RAB23: variants seen among roughly 807,000 people sequenced by gnomAD.
RAB23 encodes ras-related protein Rab-23.
A neutral mutation model predicts 30.0 loss-of-function variants in RAB23; 15 were observed. The ratio of observed to expected loss-of-function variants is 0.50; its 90% CI spans 0.33 to 0.77. RAB23 has a LOEUF of 0.77. Among genes scored for constraint, RAB23 ranks in the 30% least tolerant of loss-of-function variants. RAB23 has a pLI of 0.02. For synonymous variants in RAB23, 93 were observed against 94.0 expected (o/e 0.99, Z 0.06); for missense variants, 243 against 275.4 (o/e 0.88, Z 0.83).
Position 57,190,581 on chromosome 6 carries a change from A to C in RAB23, c.594T>G (p.Gly198=), listed in dbSNP as rs151203723. Residue 198 remains glycine (G), a synonymous_variant, in exon 7 of 7, where the codon GGT becomes GGG. Coordinates refer to ENST00000468148, the MANE Select transcript of RAB23 (RefSeq NM_016277.5). The stretch of plus-strand genomic sequence containing the variant: ...CTGAATTCTGACCGGAGTGACTTCC[A>C]CCAGATGTATTAAAGACACCTGTAT... ...SNKIGVFNTS[G]GSHSGQNSGT... is the part of the protein sequence containing the mutation. 1.7e-5 allele frequency: 28 copies of C among 1,613,950 alleles called. No individual in the cohort carries two copies. The African/African-American group carries it at 2.8e-4, about 16-fold the overall frequency.
intron 1 of RAB23, among the ~76,000 whole-genome samples, chr6:57,213,180 G>A (rs1765716309): frequency 6.6e-6 from 1 of 152,196 alleles, no homozygotes; most frequent in Non-Finnish European, 1.5e-5. Flanking sequence ...GGGCTCCTAT[G>A]AGAATCTAAT....
chr6:57,214,689 T>A (rs1264708296), intron 1 of RAB23, among the ~76,000 whole-genome samples: 1 of 152,144 alleles, frequency 6.6e-6, no homozygotes, highest in Non-Finnish European at 1.5e-5. Context: ...ACCCTTCCTG[T>A]TTTTGGAGCA....
At chr6:57,214,624 C>T (rs1324773513) in intron 1 of RAB23, among the ~76,000 whole-genome samples, 1 of 152,146 alleles carries the variant, frequency 6.6e-6, no homozygotes, top group Non-Finnish European at 1.5e-5. Flanking sequence ...CAATGGAAGA[C>T]AAGCAGGAAA....
chr6:57,210,271 T>G lies in RAB23; in HGVS notation c.110A>C (p.Asp37Ala). The change falls in exon 2 of 7, where the codon GAC becomes GCC. Residue 37 changes from aspartate to alanine, a missense_variant. Physicochemically the swap from Asp to Ala is moderately radical, Grantham distance 126. Transcript: ENST00000468148. ...ATCAACTCCAATGGTTTTCTTGTAG[T>G]CTTTTGTAAAAATGCCTTTGCAATA... ...QRYCKGIFTKDYKKTIGVDFL... is the reference protein window; with the variant it reads ...QRYCKGIFTKAYKKTIGVDFL... 1.2e-6 allele frequency: 2 copies of G among 1,614,156 alleles called. No homozygotes were observed. Among genetic ancestry groups the G allele is most frequent in the Non-Finnish European group, 1.7e-6 (2 of 1,179,968 alleles).
Position 57,220,143 on chromosome 6 carries a change from G to A in RAB23, c.-66+1583C>T, listed in dbSNP as rs554082763. On this transcript the variant is annotated intron_variant, in intron 1 of 6. Transcript: ENST00000468148. Reference sequence around the variant, plus strand: ...TCACCAACGACTCCATGTGGCAAATGAACACATGAAAACATGTACATCTTT... The same window carrying A: ...TCACCAACGACTCCATGTGGCAAATAAACACATGAAAACATGTACATCTTT... 7.0e-4 allele frequency among the ~76,000 whole-genome samples: 107 copies of A among 152,234 alleles called. 1 individual carries two copies. The highest frequency in any genetic ancestry group is 1.9e-3 in the South Asian group (9 of 4,830).
Position 57,208,015 on chromosome 6 carries a change from A to C in RAB23, c.156-302T>G, listed in dbSNP as rs546467010. Among the ~76,000 whole-genome samples the C allele has an allele frequency of 3.3e-5, 5 of 152,284 alleles. No individual in the cohort carries two copies. In the East Asian group the frequency reaches 9.6e-4, roughly 29 times the overall value. On this transcript the variant is annotated intron_variant, in intron 2 of 6. Transcript: ENST00000468148. ...ACTTACGATGGGGCTATGTCTCAAA[A>C]AACCCATGCTAAAGTTGAAAAACTG...
intron 1 of RAB23, chr6:57,221,225 T>G (rs932623382): frequency 2.6e-5 from 4 of 152,214 alleles, no homozygotes; most frequent in Non-Finnish European, 5.9e-5. Flanking sequence ...TGAAATTACC[T>G]AGATGTTAGG....
rs531612054 is a variant in RAB23, at chr6:57,215,680, AAAG to A, written c.-65-5238_-65-5236del. On this transcript the variant is annotated intron_variant, in intron 1 of 6. Coordinates refer to ENST00000468148, the MANE Select transcript of RAB23 (RefSeq NM_016277.5). ...TCAGTGGAAAAGAAATAATTTTTTA[AAAG>A]AAGAACTTGGAGTGTCAGAACAAAA... Among the ~76,000 whole-genome samples the A allele has an allele frequency of 4.1e-3, 630 of 152,356 alleles. 4 individuals are homozygous for A. Among genetic ancestry groups the A allele is most frequent in the Admixed American group, 7.0e-3 (107 of 15,310 alleles).
At chr6:57,198,585 G>T (rs1765119058) in intron 3 of RAB23, among the ~76,000 whole-genome samples, 1 of 152,132 alleles carries the variant, frequency 6.6e-6, no homozygotes, top group Admixed American at 6.5e-5. Flanking sequence ...GGTGACTGAG[G>T]TGGGAGGATT....
intron 3 of RAB23, among the ~76,000 whole-genome samples, chr6:57,204,199 A>G (rs1765370950): frequency 6.6e-6 from 1 of 152,220 alleles, no homozygotes; most frequent in Non-Finnish European, 1.5e-5. Context: ...CCTGTCTAAA[A>G]GAAGAAATTA....
At chr6:57,206,174 G>A (rs924037986) in intron 3 of RAB23, among the ~76,000 whole-genome samples, 2 of 152,138 alleles carry the variant, frequency 1.3e-5, no homozygotes, top group Admixed American at 6.6e-5. Context: ...TGCAGAGAGC[G>A]CAGGTCTGGG....
rs1764780589 is a variant in RAB23, at chr6:57,190,091, ATGCTTGCTATCTTT to A, written c.*356_*369del. Reference sequence around the variant, plus strand: ...CTACATGACCAATTTCAGGAAAAGAATGCTTGCTATCTTTCCTTGATCCACAGTATTAAAATCTG... The same window carrying A: ...CTACATGACCAATTTCAGGAAAAGAACCTTGATCCACAGTATTAAAATCTG... On this transcript the variant is annotated 3_prime_UTR_variant, in exon 7 of 7. Coordinates refer to ENST00000468148, the MANE Select transcript of RAB23 (RefSeq NM_016277.5). 1 of 220,174 alleles carries A rather than the reference ATGCTTGCTATCTTT, an allele frequency of 4.5e-6. No individual in the cohort carries two copies. The highest frequency in any genetic ancestry group is 9.1e-6 in the Non-Finnish European group (1 of 109,386). The allele number at this position is 220,174 out of a possible 1,614,324, so 13.6% of individuals were successfully genotyped here.
intron 4 of RAB23, among the ~76,000 whole-genome samples, chr6:57,195,949 A>G (rs925596361): frequency 2.6e-5 from 4 of 152,264 alleles, no homozygotes; most frequent in African/African-American, 9.6e-5. Flanking sequence ...AATATTTTCA[A>G]AACTGGCAAA....
intron 3 of RAB23, among the ~76,000 whole-genome samples, chr6:57,198,875 G>A (rs1765129790): frequency 6.6e-6 from 1 of 152,082 alleles, no homozygotes; most frequent in Non-Finnish European, 1.5e-5. Context: ...AACAGATAAT[G>A]CCAGAGATAC....
chr6:57,210,479 A>G, intron 1 of RAB23, 34 bp from the exon 2 acceptor site: 1 of 1,222,460 alleles, frequency 8.2e-7, no homozygotes, highest in Non-Finnish European at 1.2e-6. Context: ...TTTTCATAAC[A>G]CAAAAATGTA....
intron 2 of RAB23, among the ~76,000 whole-genome samples, chr6:57,208,297 A>G (rs995539702): frequency 2.0e-5 from 3 of 152,082 alleles, no homozygotes; most frequent in Non-Finnish European, 4.4e-5. Context: ...TCCTTTCCCG[A>G]CATCTTTCTA....
intron 1 of RAB23, among the ~76,000 whole-genome samples, chr6:57,219,774 C>T (rs532824836): frequency 6.6e-6 from 1 of 152,116 alleles, no homozygotes; most frequent in Admixed American, 6.6e-5. Context: ...AAAAAGTAAA[C>T]CTTCACACCT....
intron 3 of RAB23, among the ~76,000 whole-genome samples, chr6:57,199,282 C>T (rs2127999548): frequency 6.6e-6 from 1 of 152,298 alleles, no homozygotes; most frequent in Middle Eastern, 3.4e-3. Flanking sequence ...ACCTCAGCCT[C>T]CCTTTGGTGG....
chr6:57,204,813 C>A (rs1765391808), intron 3 of RAB23, among the ~76,000 whole-genome samples: 1 of 152,096 alleles, frequency 6.6e-6, no homozygotes, highest in Non-Finnish European at 1.5e-5. Flanking sequence ...ACACTTAATA[C>A]ACATTTTCTG....
Sources: allele counts gnomAD v4.1 joint callset (sites outside exome capture counted in the v4.1 genomes callset), GRCh38; gene constraint gnomAD v4.1.1; transcripts MANE v1.5; gene names NCBI Gene and HGNC (gene_info 2026-07-23, HGNC 2026-07-21).